Variants in LHFPL3 observed in about 807,000 individuals in gnomAD.
LHFPL3 encodes LHFPL tetraspan subfamily member 3 protein.
In LHFPL3, 5 loss-of-function variants were observed where a neutral mutation model predicts 19.3. The ratio of observed to expected loss-of-function variants is 0.26; its 90% confidence interval spans 0.14 to 0.54. LHFPL3 has a LOEUF of 0.54. Ranked by LOEUF, LHFPL3 falls within the 20% of genes least tolerant of loss-of-function variation. LHFPL3 has a pLI of 0.94. For synonymous variants in LHFPL3, 133 were observed against 126.2 expected, an observed-to-expected ratio of 1.05 and a Z score of -0.36; for missense variants, 249 against 307.4, an observed-to-expected ratio of 0.81 and a Z score of 1.42.
At chr7:104,584,404 C>T (rs1408725316) in intron 1 of LHFPL3, among the ~76,000 whole-genome samples, 1 of 152,016 alleles carries the variant, frequency 6.6e-6, no homozygotes, top group Non-Finnish European at 1.5e-5. Flanking sequence ...CACATGTATA[C>T]ATATGTAACA....
chr7:104,595,018 G>A (rs560048212), intron 1 of LHFPL3, among the ~76,000 whole-genome samples: 1 of 152,152 alleles, frequency 6.6e-6, no homozygotes, highest in Non-Finnish European at 1.5e-5. Context: ...TGTTATTACC[G>A]ACCTTCTGAA....
chr7:104,539,231 T>C (rs1040696290), intron 1 of LHFPL3, among the ~76,000 whole-genome samples: 3 of 152,100 alleles, frequency 2.0e-5, no homozygotes, highest in Non-Finnish European at 1.5e-5. Flanking sequence ...AATAGAAAAC[T>C]AATGAAGTGG....
rs552476765 is a variant in LHFPL3, at chr7:104,817,210, C to G, written c.682+80299C>G. 6.6e-5 allele frequency among the ~76,000 whole-genome samples: 10 copies of G among 152,338 alleles called. No homozygotes were observed. The South Asian group carries it at 1.7e-3, about 25-fold the overall frequency. On this transcript the variant is annotated intron_variant, in intron 2 of 2. Transcript: ENST00000424859. ...TCGTTATAATTTCCCTGAGGGCAAA[C>G]CCTGTCCAGTATCCTGTGTGCCCAT...
At chr7:104,496,297 A>G (rs1023180489) in intron 1 of LHFPL3, among the ~76,000 whole-genome samples, 5 of 152,260 alleles carry the variant, frequency 3.3e-5, no homozygotes, top group African/African-American at 1.2e-4. Flanking sequence ...AAGGACATGA[A>G]TTCATCCTTT....
intron 2 of LHFPL3, among the ~76,000 whole-genome samples, chr7:104,750,656 CT>C (rs1190301335): frequency 6.6e-6 from 1 of 152,234 alleles, no homozygotes; most frequent in East Asian, 1.9e-4. Context: ...AGCAGAGAGA[CT>C]GCTTGTATAG....
intron 1 of LHFPL3, among the ~76,000 whole-genome samples, chr7:104,354,067 A>T (rs921689631): frequency 1.3e-5 from 2 of 152,202 alleles, no homozygotes; most frequent in Non-Finnish European, 2.9e-5. Context: ...TGTAAAAAAA[A>T]ATCTCTCTTG....
Position 104,824,039 on chromosome 7 carries a change from G to C in LHFPL3, c.683-82148G>C, listed in dbSNP as rs1016936837. On this transcript the variant is annotated intron_variant, in intron 2 of 2. Transcript: ENST00000424859. The stretch of plus-strand genomic sequence containing the variant: ...TGCATGCCTATAATCCCAGCTACTC[G>C]GGAGGCTGAGGCAGGGGAATCACTT... 9.1e-5 allele frequency among the ~76,000 whole-genome samples: 13 copies of C among 143,306 alleles called. No individual in the cohort carries two copies. In the East Asian group the frequency reaches 1.4e-3, roughly 16 times the overall value. 94.0% of individuals were successfully genotyped at this position (143,306 alleles called of 152,430 possible).
In LHFPL3 at chr7:104,416,986, A is replaced by G. The variant is rs60119909; in HGVS notation, c.445+87762A>G. Among the ~76,000 whole-genome samples the G allele has an allele frequency of 8.3e-3, 1,261 of 152,338 alleles. 75 individuals are homozygous for G. In the East Asian group the frequency reaches 0.16, roughly 19 times the overall value. ...AATAACAGCGTTAATCAATTCATGC[A>G]GACAGATACCTGGTGGCCGAATCCC... On this transcript the variant is annotated intron_variant, in intron 1 of 2. Coordinates refer to ENST00000424859, the MANE Select transcript of LHFPL3 (RefSeq NM_199000.3).
chr7:104,488,567 A>G (rs66886828), intron 1 of LHFPL3, among the ~76,000 whole-genome samples: 41,355 of 152,046 alleles, frequency 0.27, 5,836 homozygotes, highest in South Asian at 0.46. Context: ...GATCCTAAGA[A>G]TTTAAAGGTC....
intron 1 of LHFPL3, among the ~76,000 whole-genome samples, chr7:104,689,979 A>ATTGTG (rs1792878744): frequency 6.6e-6 from 1 of 152,034 alleles, no homozygotes; most frequent in South Asian, 2.1e-4. Context: ...GGAAAGGCCA[A>ATTGTG]ATGGATGCCA....
intron 2 of LHFPL3, among the ~76,000 whole-genome samples, chr7:104,875,559 C>T (rs1258531313): frequency 6.6e-6 from 1 of 152,228 alleles, no homozygotes; most frequent in South Asian, 2.1e-4. Context: ...GATGATCCAG[C>T]TCCATCCAAC....
chr7:104,601,794 A>G (rs2115698958), intron 1 of LHFPL3, among the ~76,000 whole-genome samples: 1 of 152,144 alleles, frequency 6.6e-6, no homozygotes, highest in South Asian at 2.1e-4. Context: ...TCACTGCCAA[A>G]ACCTGGAGCT....
At chr7:104,496,595 A>G (rs896712686) in intron 1 of LHFPL3, among the ~76,000 whole-genome samples, 6 of 152,084 alleles carry the variant, frequency 3.9e-5, no homozygotes, top group Non-Finnish European at 8.8e-5. Context: ...AACAGTGTAA[A>G]AGTGTTCCTA....
chr7:104,647,355 G>T (rs1475976776), intron 1 of LHFPL3, among the ~76,000 whole-genome samples: 2 of 152,128 alleles, frequency 1.3e-5, no homozygotes, highest in Non-Finnish European at 2.9e-5. Context: ...ACCCGAATTT[G>T]GCTTGAGCTA....
chr7:104,519,270 G>C (rs1439863039), intron 1 of LHFPL3, among the ~76,000 whole-genome samples: 1 of 152,130 alleles, frequency 6.6e-6, no homozygotes, highest in African/African-American at 2.4e-5. Context: ...GGAGGTTTCA[G>C]AACTCATGCT....
intron 1 of LHFPL3, among the ~76,000 whole-genome samples, chr7:104,526,593 A>G (rs780024291): frequency 1.1e-4 from 17 of 152,216 alleles, no homozygotes; most frequent in Non-Finnish European, 2.1e-4. Flanking sequence ...TCTTAGTGAC[A>G]TTAGTTAGGC....
chr7:104,822,642 AG>A (rs1347718830), intron 2 of LHFPL3, among the ~76,000 whole-genome samples: 1 of 152,174 alleles, frequency 6.6e-6, no homozygotes, highest in Non-Finnish European at 1.5e-5. Flanking sequence ...AGGAAGGAAT[AG>A]TTTTTCTTAT....
intron 1 of LHFPL3, among the ~76,000 whole-genome samples, chr7:104,697,316 G>T (rs1385711052): frequency 6.6e-6 from 1 of 152,168 alleles, no homozygotes. Context: ...TCTGAGCAAA[G>T]ATTTATTAAA....
chr7:104,534,331 G>C (rs144693893), intron 1 of LHFPL3, among the ~76,000 whole-genome samples: 3 of 152,138 alleles, frequency 2.0e-5, no homozygotes, highest in African/African-American at 7.2e-5. Context: ...GGGCTATGAC[G>C]TCAGAACTCC....
Sources: allele counts gnomAD v4.1 joint callset (sites outside exome capture counted in the v4.1 genomes callset), GRCh38; gene constraint gnomAD v4.1.1; transcripts MANE v1.5; gene names NCBI Gene and HGNC (gene_info 2026-07-23, HGNC 2026-07-21).